FGF13: variants seen among roughly 807,000 people sequenced by gnomAD.
FGF13 encodes the protein fibroblast growth factor 13.
A neutral mutation model predicts 19.5 loss-of-function variants in FGF13; 2 were observed. That is an observed-to-expected ratio of 0.10 (90% CI 0.04 to 0.32). The LOEUF (loss-of-function observed/expected upper bound fraction) is 0.32, where lower values mean the gene tolerates loss of function less well. Ranked by LOEUF, FGF13 falls within the 10% of genes least tolerant of loss-of-function variation. The pLI is 1.00. For synonymous variants in FGF13, 72 were observed against 76.9 expected, an observed-to-expected ratio of 0.94 and a Z score of 0.33; for missense variants, 113 against 192.7, an observed-to-expected ratio of 0.59 and a Z score of 2.45.
chrX:138,710,753 G>T, intron 1 of FGF13, 64 bp downstream of exon 1: 2 of 1,186,578 alleles, frequency 1.7e-6, no homozygotes, highest in Non-Finnish European at 2.3e-6. Context: ...CTACATACCT[G>T]CTCCCCACCG....
intron 1 of FGF13, among the ~76,000 whole-genome samples, chrX:138,732,550 T>C (rs1158055358): frequency 2.7e-5 from 3 of 111,244 alleles, no homozygotes; most frequent in Non-Finnish European, 5.7e-5. Context: ...AACGAACCTA[T>C]GGTGATAGAA....
At chrX:138,955,292 C>T (rs1220047247) in intron 1 of FGF13, among the ~76,000 whole-genome samples, 1 of 112,397 alleles carries the variant, frequency 8.9e-6, no homozygotes, top group African/African-American at 3.2e-5. Flanking sequence ...TAAACCAATG[C>T]TCCTTAACCC....
chrX:138,772,285 T>A lies in FGF13; in HGVS notation c.218-63357A>T, dbSNP rs1330853530. The stretch of plus-strand genomic sequence containing the variant: ...GAAATTAGACTTGTTAATATTATCA[T>A]CTTTATTGTTGTTATGATTTCTACA... On this transcript the variant is annotated intron_variant, in intron 3 of 6. Coordinates refer to the FGF13 transcript ENST00000436198. Among the ~76,000 whole-genome samples the A allele has an allele frequency of 9.2e-5, 10 of 108,713 alleles. No homozygotes were observed. The East Asian group carries it at 2.6e-3, about 29-fold the overall frequency. The allele number at this position is 108,713 out of a possible 115,157, so 94.4% of individuals were successfully genotyped here.
At chrX:138,948,767 C>A (rs760502547) in intron 1 of FGF13, among the ~76,000 whole-genome samples, 6 of 111,854 alleles carry the variant, frequency 5.4e-5, no homozygotes, top group Admixed American at 9.5e-5. Flanking sequence ...CTGAGACTGT[C>A]AATGTGAACA....
intron 1 of FGF13, among the ~76,000 whole-genome samples, chrX:138,946,673 C>T (rs1057068569): frequency 3.6e-5 from 4 of 111,969 alleles, no homozygotes; most frequent in African/African-American, 9.7e-5. Context: ...GGAAGCATTG[C>T]TATTATCAAC....
intron 3 of FGF13, among the ~76,000 whole-genome samples, chrX:138,657,463 C>T (rs1434012443): frequency 8.9e-6 from 1 of 112,035 alleles, no homozygotes; most frequent in Non-Finnish European, 1.9e-5. Context: ...GGGCATTTGC[C>T]GTTAGCCCTA....
chrX:139,181,997 A>T (rs1402642820), intron 1 of FGF13, among the ~76,000 whole-genome samples: 1 of 110,825 alleles, frequency 9.0e-6, no homozygotes, highest in Non-Finnish European at 1.9e-5. Flanking sequence ...CTTTATGCAG[A>T]CTATTGTTTT....
At chrX:139,021,226 T>C (rs956584889) in intron 1 of FGF13, among the ~76,000 whole-genome samples, 1 of 111,125 alleles carries the variant, frequency 9.0e-6, no homozygotes, top group African/African-American at 3.3e-5. Flanking sequence ...TTAAGAGATA[T>C]GCTTTTGGAG....
intron 3 of FGF13, among the ~76,000 whole-genome samples, chrX:138,795,030 A>G (rs2090768660): frequency 8.9e-6 from 1 of 111,986 alleles, no homozygotes; most frequent in African/African-American, 3.2e-5. Context: ...AGTTCTCTTT[A>G]TAACTACGAA....
Position 139,124,045 on chromosome X carries a change from G to A in FGF13, c.-113+79371C>T, listed in dbSNP as rs189689892. ...GACCAATCACATCTTCCCAGGGAAC[G>A]GGGAACCCCACTCTCTTGACACTAC... On this transcript the variant is annotated intron_variant, in intron 1 of 2. Coordinates refer to the FGF13 transcript ENST00000421460. Among the ~76,000 whole-genome samples, 31 of 112,219 alleles carry A rather than the reference G, an allele frequency of 2.8e-4. No individual in the cohort carries two copies. The East Asian group carries it at 6.0e-3, about 22-fold the overall frequency.
At chrX:138,667,726 A>C (rs1198897987) in intron 3 of FGF13, 1 of 371,790 alleles carries the variant, frequency 2.7e-6, no homozygotes, top group Admixed American at 2.6e-5. Context: ...CTGTATGGGA[A>C]ACCCTGCCCT....
rs759642123 is a variant in FGF13, at chrX:139,125,625, G to A, written c.-113+77791C>T. On this transcript the variant is annotated intron_variant, in intron 1 of 2. Transcript: ENST00000421460. ...TTATATTAAAAAGAGTTATTTAAAGGACCCATAGCCCTTAACTGAATGCTA... is the reference window on the plus strand; with the variant it reads ...TTATATTAAAAAGAGTTATTTAAAGAACCCATAGCCCTTAACTGAATGCTA... Among the ~76,000 whole-genome samples, 3 of 111,462 alleles carry A rather than the reference G, an allele frequency of 2.7e-5. No individual in the cohort carries two copies. The South Asian group carries it at 1.1e-3, about 42-fold the overall frequency.
At chrX:139,045,262 G>C (rs1338908115) in intron 1 of FGF13, among the ~76,000 whole-genome samples, 1 of 112,379 alleles carries the variant, frequency 8.9e-6, no homozygotes, top group Non-Finnish European at 1.9e-5. Flanking sequence ...AGTGTCCTGA[G>C]GGTGTGCAGA....
At chrX:139,085,277 A>G (rs1396943274) in intron 1 of FGF13, among the ~76,000 whole-genome samples, 1 of 112,152 alleles carries the variant, frequency 8.9e-6, no homozygotes, top group Non-Finnish European at 1.9e-5. Flanking sequence ...CCAAAGTAAA[A>G]TTTTAGCTTT....
chrX:138,963,220 C>A (rs1182003995), intron 1 of FGF13, among the ~76,000 whole-genome samples: 1 of 113,102 alleles, frequency 8.8e-6, no homozygotes, highest in Non-Finnish European at 1.9e-5. Flanking sequence ...GAACGCCACT[C>A]CTGGCAAGAC....
At chrX:139,204,330 C>A, upstream of FGF13, 2 of 322,172 alleles carry the variant, frequency 6.2e-6, no homozygotes, top group South Asian at 6.7e-5. Context: ...TCGCCGCCGC[C>A]GCCGCCGCGA....
Position 138,624,195 on chromosome X carries a change from C to G in FGF13, c.*8655G>C, listed in dbSNP as rs2089037528. ...AATTATATTGTAAAGCTATAGTAAT[C>G]AAAACAGTATGGTATTGGCATAGAA... On this transcript the variant is annotated 3_prime_UTR_variant, in exon 5 of 5. Coordinates refer to ENST00000315930, the MANE Select transcript of FGF13 (RefSeq NM_004114.5). The G allele has an allele frequency of 9.0e-6, 1 of 111,519 alleles. No individual in the cohort carries two copies. The highest frequency in any genetic ancestry group is 1.9e-5 in the Non-Finnish European group (1 of 53,124). The allele number at this position is 111,519 out of a possible 1,213,427, so 9.2% of individuals were successfully genotyped here. A position where few individuals can be genotyped will look rare whatever the true frequency, so the allele number is the denominator to read the frequency against.
chrX:138,663,816 T>C (rs2089512649), intron 3 of FGF13, among the ~76,000 whole-genome samples: 1 of 111,536 alleles, frequency 9.0e-6, no homozygotes, highest in Admixed American at 9.6e-5. Context: ...GGGGTGTGTT[T>C]ATATGATAAG....
rs147982416 is a variant in FGF13, at chrX:138,897,121, C to T, written c.-112-32471G>A. On this transcript the variant is annotated intron_variant, in intron 1 of 2. Coordinates refer to the FGF13 transcript ENST00000421460. ...GCCTCCCAGGCTCAAGACATTCTTCCACCTCAGCCTCCAGAGTAGCTGGGA... is the reference window on the plus strand; with the variant it reads ...GCCTCCCAGGCTCAAGACATTCTTCTACCTCAGCCTCCAGAGTAGCTGGGA... Among the ~76,000 whole-genome samples the T allele has an allele frequency of 7.8e-3, 866 of 111,302 alleles. 12 individuals are homozygous for T. Among genetic ancestry groups the T allele is most frequent in the African/African-American group, 0.027 (840 of 30,595 alleles).
Sources: allele counts gnomAD v4.1 joint callset (sites outside exome capture counted in the v4.1 genomes callset), GRCh38; gene constraint gnomAD v4.1.1; transcripts MANE v1.5; gene names NCBI Gene and HGNC (gene_info 2026-07-23, HGNC 2026-07-21).